ACTL8: variants seen among roughly 807,000 people sequenced by gnomAD.
ACTL8 encodes the protein actin-like protein 8.
Under a neutral mutation model 9.3 loss-of-function variants are expected in ACTL8, and 3 were observed. That is an observed-to-expected ratio of 0.32 (90% CI 0.15 to 0.83). ACTL8 has a LOEUF of 0.83. Ranked by LOEUF, ACTL8 falls within the 40% of genes least tolerant of loss-of-function variation. The probability of loss-of-function intolerance (pLI) is 0.57; values close to 1 mark genes in which losing one functional copy is unlikely to be tolerated. For synonymous variants in ACTL8, 224 were observed against 205.9 expected, an observed-to-expected ratio of 1.09 and a Z score of -0.75; for missense variants, 381 against 492.2, an observed-to-expected ratio of 0.77 and a Z score of 2.14.
chr1:17,806,973 A>G (rs531962129), intron 1 of ACTL8, among the ~76,000 whole-genome samples: 1 of 152,276 alleles, frequency 6.6e-6, no homozygotes, highest in Admixed American at 6.5e-5. Flanking sequence ...TTCTAGGGAA[A>G]TATCCATGTC....
chr1:17,768,975 A>G (rs947203897), intron 1 of ACTL8, among the ~76,000 whole-genome samples: 1 of 152,146 alleles, frequency 6.6e-6, no homozygotes, highest in Non-Finnish European at 1.5e-5. Flanking sequence ...GCTTTGTTGT[A>G]GCCTGTTTAA....
chr1:17,824,944 G>C (rs939168466), intron 2 of ACTL8, among the ~76,000 whole-genome samples: 1 of 152,126 alleles, frequency 6.6e-6, no homozygotes, highest in African/African-American at 2.4e-5. Flanking sequence ...CTCCCACTGA[G>C]GGGAGACGAT....
At chr1:17,763,462 T>C (rs151014500) in intron 1 of ACTL8, among the ~76,000 whole-genome samples, 2 of 152,258 alleles carry the variant, frequency 1.3e-5, no homozygotes, top group East Asian at 3.9e-4. Context: ...CTTTCCCATC[T>C]CAAACTCGGG....
At chr1:17,781,718 C>T (rs2066155942) in intron 1 of ACTL8, among the ~76,000 whole-genome samples, 1 of 152,142 alleles carries the variant, frequency 6.6e-6, no homozygotes, top group Non-Finnish European at 1.5e-5. Context: ...ACTACAAGGG[C>T]CATTTATGGG....
intron 1 of ACTL8, among the ~76,000 whole-genome samples, chr1:17,765,331 T>C (rs1312966161): frequency 6.6e-6 from 1 of 152,188 alleles, no homozygotes; most frequent in Non-Finnish European, 1.5e-5. Context: ...TCCTGGTGCC[T>C]AGGAGAGTGC....
At chr1:17,825,718 C>T (rs1296052002) in intron 2 of ACTL8, 49 bp from the exon 3 acceptor site, 1 of 1,576,136 alleles carries the variant, frequency 6.3e-7, no homozygotes, top group Non-Finnish European at 8.6e-7. Flanking sequence ...GCTTTGACTG[C>T]TGAGCAGGCT....
At chr1:17,771,885 C>T (rs2066085161) in intron 1 of ACTL8, among the ~76,000 whole-genome samples, 1 of 152,136 alleles carries the variant, frequency 6.6e-6, no homozygotes, top group African/African-American at 2.4e-5. Context: ...GGGTGTTTTC[C>T]TATTCTTCCA....
intron 1 of ACTL8, among the ~76,000 whole-genome samples, chr1:17,787,575 G>A (rs1236130666): frequency 6.6e-6 from 1 of 152,308 alleles, no homozygotes; most frequent in East Asian, 1.9e-4. Context: ...CAGGCCTCTA[G>A]TGCATTCTTT....
At chr1:17,794,571 A>G (rs529198078) in intron 1 of ACTL8, among the ~76,000 whole-genome samples, 2 of 152,352 alleles carry the variant, frequency 1.3e-5, no homozygotes, top group South Asian at 2.1e-4. Flanking sequence ...GGCTACTAGG[A>G]AGCTCAGTGA....
chr1:17,807,349 G>A (rs2066366012), intron 1 of ACTL8, among the ~76,000 whole-genome samples: 1 of 152,156 alleles, frequency 6.6e-6, no homozygotes, highest in Non-Finnish European at 1.5e-5. Context: ...CACAGACCCT[G>A]GAGCCTGATA....
intron 1 of ACTL8, among the ~76,000 whole-genome samples, chr1:17,809,267 T>C (rs2066378288): frequency 6.6e-6 from 1 of 152,122 alleles, no homozygotes; most frequent in Non-Finnish European, 1.5e-5. Flanking sequence ...TAATAAGTGC[T>C]ATGACAATAA....
At chr1:17,795,280 C>T (rs531504829) in intron 1 of ACTL8, among the ~76,000 whole-genome samples, 1 of 152,286 alleles carries the variant, frequency 6.6e-6, no homozygotes, top group African/African-American at 2.4e-5. Flanking sequence ...ACAGCCCCTC[C>T]CCACCGTACT....
At chr1:17,760,162 G>A (rs1037633573) in intron 1 of ACTL8, among the ~76,000 whole-genome samples, 2 of 152,122 alleles carry the variant, frequency 1.3e-5, no homozygotes, top group African/African-American at 4.8e-5. Flanking sequence ...TAAATACCTC[G>A]AATGAGGTTC....
At chr1:17,787,525 T>C (rs2066206295) in intron 1 of ACTL8, among the ~76,000 whole-genome samples, 1 of 152,182 alleles carries the variant, frequency 6.6e-6, no homozygotes, top group Non-Finnish European at 1.5e-5. Context: ...TGCCTTGGCC[T>C]CCCAAAGTGC....
chr1:17,816,473 G>A (rs1489981321), intron 1 of ACTL8, among the ~76,000 whole-genome samples: 3 of 152,210 alleles, frequency 2.0e-5, no homozygotes, highest in African/African-American at 4.8e-5. Context: ...CAAAGTGCTA[G>A]TATTACAGGC....
chr1:17,818,349 A>G (rs575587014), intron 1 of ACTL8, among the ~76,000 whole-genome samples: 1 of 152,192 alleles, frequency 6.6e-6, no homozygotes, highest in East Asian at 1.9e-4. Context: ...ACCTCCTGTA[A>G]TCTTTCTTCT....
At chr1:17,759,085 T>C (rs186833891) in intron 1 of ACTL8, among the ~76,000 whole-genome samples, 1 of 152,344 alleles carries the variant, frequency 6.6e-6, no homozygotes, top group Admixed American at 6.5e-5. Context: ...GTTGTGTTGT[T>C]GTACAGGACT....
chr1:17,758,129 C>A (rs1431894065), intron 1 of ACTL8, among the ~76,000 whole-genome samples: 1 of 152,142 alleles, frequency 6.6e-6, no homozygotes, highest in African/African-American at 2.4e-5. Context: ...CTTTTGTAGG[C>A]CACTGTGAAT....
Position 17,823,494 on chromosome 1 carries a change from AC to A in ACTL8, c.348+139del. 3 of 806,630 alleles carry A rather than the reference AC, an allele frequency of 3.7e-6. No individual in the cohort carries two copies. The highest frequency in any genetic ancestry group is 5.7e-6 in the Non-Finnish European group (3 of 525,844). 50.0% of individuals were successfully genotyped at this position (806,630 alleles called of 1,614,324 possible). ...GTGGTGGCTTATGCCTGTAATCCCAACACTTTGGGACTCCCAGGCAGGCAGA... is the reference window on the plus strand; with the variant it reads ...GTGGTGGCTTATGCCTGTAATCCCAAACTTTGGGACTCCCAGGCAGGCAGA... On this transcript the variant is annotated intron_variant, in intron 2 of 2. Coordinates refer to ENST00000375406, the MANE Select transcript of ACTL8 (RefSeq NM_030812.3). This position sits in a 1 kb window ranked among gnomAD's most constrained non-coding sequence, Gnocchi z 5.3.
Sources: gnomAD v4.1 joint callset for allele counts (sites outside exome capture counted in the v4.1 genomes callset) on GRCh38, gnomAD v4.1.1 for gene constraint, Gnocchi (gnomAD v3.1) non-coding constraint, MANE v1.5 for transcripts, NCBI Gene and HGNC (gene_info 2026-07-23, HGNC 2026-07-21) for gene names.